The following PKHD1L1 variants were observed in gnomAD, a reference collection of about 807,000 sequenced individuals.
PKHD1L1 encodes fibrocystin-L.
In PKHD1L1, 434 loss-of-function variants were observed where a neutral mutation model predicts 462.9. That is an observed-to-expected ratio of 0.94 (90% CI 0.87 to 1.02). The LOEUF is 1.02. Ranked by LOEUF, PKHD1L1 falls within the 50% of genes least tolerant of loss-of-function variation. The pLI, the probability that PKHD1L1 is intolerant of heterozygous loss-of-function variation, is 0.00. For synonymous variants in PKHD1L1, 1,781 were observed against 1,750.0 expected, an observed-to-expected ratio of 1.02 and a Z score of -0.44; for missense variants, 5,202 against 5,096.1, an observed-to-expected ratio of 1.02 and a Z score of -0.63.
At chr8:109,420,787 G>A (rs1448163162) in intron 23 of PKHD1L1, 97 bp downstream of exon 23, 9 of 956,490 alleles carry the variant, frequency 9.4e-6, no homozygotes, top group Non-Finnish European at 1.3e-5. Context: ...AACAGGAAAA[G>A]ACAGCTAACT....
intron 70 of PKHD1L1, among the ~76,000 whole-genome samples, chr8:109,510,544 C>T (rs769417320): frequency 2.6e-5 from 4 of 152,082 alleles, no homozygotes; most frequent in Non-Finnish European, 5.9e-5. Flanking sequence ...TTGCCCTGGG[C>T]AGTGTAAAAG....
rs1326813275 is a variant in PKHD1L1, at chr8:109,449,238, T to C, written c.6026-100T>C. On this transcript the variant is annotated intron_variant, in intron 39 of 77. Transcript: ENST00000378402. ...GTTCTAAAAAACTCTTCATTTAATG[T>C]AACTTACTTTTAACATTTAAAATAA... The C allele has an allele frequency of 5.0e-6, 6 of 1,193,304 alleles. No individual in the cohort carries two copies. The African/African-American group carries it at 9.3e-5, about 18-fold the overall frequency. 73.9% of individuals were successfully genotyped at this position (1,193,304 alleles called of 1,614,324 possible).
At position 109,524,499 on chromosome 8, in the gene PKHD1L1, C is replaced by T. The variant is rs574835084; in HGVS notation, c.12484+1113C>T. On this transcript the variant is annotated intron_variant, in intron 76 of 77. Coordinates refer to ENST00000378402, the MANE Select transcript of PKHD1L1 (RefSeq NM_177531.6). ...AGAATCCTACCTGAAAAGAAGTTTGCTCACCTCCTCATGAGGGTGGACCCA... is the reference window on the plus strand; with the variant it reads ...AGAATCCTACCTGAAAAGAAGTTTGTTCACCTCCTCATGAGGGTGGACCCA... Among the ~76,000 whole-genome samples, 7 of 152,182 alleles carry T rather than the reference C, an allele frequency of 4.6e-5. No homozygotes were observed. In the South Asian group the frequency reaches 1.5e-3, roughly 32 times the overall value.
rs558609128 is a variant in PKHD1L1, at chr8:109,533,618, A to C, written c.*3528A>C. On this transcript the variant is annotated 3_prime_UTR_variant, in exon 78 of 78. Transcript: ENST00000378402. ...GGCATATTCTAGAAACTGACCTTAA[A>C]ACATAGCTATTATGCATCCCTTTGC... Among the ~76,000 whole-genome samples, 1 of 152,272 alleles carries C rather than the reference A, an allele frequency of 6.6e-6. No individual in the cohort carries two copies. Among genetic ancestry groups the C allele is most frequent in the South Asian group, 2.1e-4 (1 of 4,828 alleles).
intron 27 of PKHD1L1, among the ~76,000 whole-genome samples, chr8:109,431,675 A>G (rs1199656504): frequency 6.6e-6 from 1 of 152,192 alleles, no homozygotes; most frequent in Non-Finnish European, 1.5e-5. Context: ...CACCTAATCA[A>G]TCACCTTAAA....
intron 61 of PKHD1L1, 36 bp from the exon 62 acceptor site, chr8:109,491,837 T>G (rs1469533780): frequency 1.4e-5 from 22 of 1,521,908 alleles, no homozygotes; most frequent in Non-Finnish European, 1.9e-5. Flanking sequence ...TTATGTTTTT[T>G]GGGGATTTTC....
intron 65 of PKHD1L1, 129 bp downstream of exon 65, chr8:109,497,401 T>C (rs1479847666): frequency 9.1e-7 from 1 of 1,099,046 alleles, no homozygotes; most frequent in African/African-American, 1.6e-5. Flanking sequence ...CTGCCTTTGT[T>C]CCCACTGCCC....
Position 109,480,103 on chromosome 8 carries a change from AGAAGTTGTTTT to A in PKHD1L1, c.9295_9305del (p.Val3099CysfsTer10), listed in dbSNP as rs776768003. 5.7e-6 allele frequency: 9 copies of A among 1,577,338 alleles called. No individual in the cohort carries two copies. Among genetic ancestry groups the A allele is most frequent in the Non-Finnish European group, 7.8e-6 (9 of 1,161,146 alleles). On this transcript the variant is annotated frameshift_variant, in exon 55 of 78. Transcript: ENST00000378402. LOFTEE classifies it high-confidence loss of function. ...TAGGAGCTGCAGAATCTTCTTACAG[AGAAGTTGTTTT>A]GAATGCTACCTACATATCACTGCAG... is the stretch of plus-strand genomic sequence containing the variant.
intron 17 of PKHD1L1, among the ~76,000 whole-genome samples, chr8:109,406,719 A>G (rs1439972638): frequency 6.6e-6 from 1 of 152,170 alleles, no homozygotes; most frequent in Non-Finnish European, 1.5e-5. Flanking sequence ...CCTACTTTAT[A>G]AATTAGTAAA....
rs377336336 is a variant in PKHD1L1, at chr8:109,448,332, C to T, written c.5966C>T (p.Ala1989Val). 6.2e-7 allele frequency: 1 copy of T among 1,613,256 alleles called. No homozygotes were observed. The highest frequency in any genetic ancestry group is 8.5e-7 in the Non-Finnish European group (1 of 1,179,642). Reference sequence around the variant, plus strand: ...ATGCATCATAAGACAAAAGGCTCAGCCATGTCCACAGTTGTATTTGAGTAC... The same window carrying T: ...ATGCATCATAAGACAAAAGGCTCAGTCATGTCCACAGTTGTATTTGAGTAC... ...VMMHHKTKGS[A>V]MSTVVFEYPL... Residue 1989 changes from alanine (A) to valine (V), a missense_variant, in exon 39 of 78, where the codon GCC (alanine) becomes GTC (valine). Physicochemically the swap from Ala to Val is moderately conservative, Grantham distance 64. Around this residue, in one of 3 missense-constraint regions of PKHD1L1, gnomAD observed 4,497 missense variants for 4,336.8 expected, o/e 1.04. Transcript: ENST00000378402.
Position 109,436,448 on chromosome 8 carries a change from A to C in PKHD1L1, c.3616A>C (p.Arg1206=). The part of the protein sequence containing the change: ...IEGDLNRITC[R]TPKKTEGTVD... ...AGGGGATTTGAATAGGATAACCTGC[A>C]GGACACCAAAAGTAAGGCCTCTGAT... is the stretch of plus-strand genomic sequence containing the variant. The change falls in exon 30 of 78, where the codon AGG becomes CGG. Residue 1206 remains arginine, a synonymous_variant. Transcript: ENST00000378402. 6.2e-7 allele frequency: 1 copy of C among 1,612,472 alleles called. No homozygotes were observed. Among genetic ancestry groups the C allele is most frequent in the South Asian group, 1.1e-5 (1 of 90,658 alleles).
At chr8:109,421,418 T>C (rs944780892) in intron 23 of PKHD1L1, among the ~76,000 whole-genome samples, 1 of 152,168 alleles carries the variant, frequency 6.6e-6, no homozygotes, top group Non-Finnish European at 1.5e-5. Context: ...GCCCAATGTT[T>C]TAGTCTTAAT....
At chr8:109,509,547 G>A (rs1340578798) in intron 70 of PKHD1L1, among the ~76,000 whole-genome samples, 1 of 150,548 alleles carries the variant, frequency 6.6e-6, no homozygotes, top group African/African-American at 2.4e-5. Context: ...TGAAGCTTGG[G>A]ATGTGCTATA....
At position 109,515,162 on chromosome 8, in the gene PKHD1L1, T is replaced by C. The variant is rs1173665835; in HGVS notation, c.11554-8T>C. The C allele has an allele frequency of 1.3e-6, 2 of 1,549,142 alleles. No homozygotes were observed. Among genetic ancestry groups the C allele is most frequent in the Non-Finnish European group, 1.7e-6 (2 of 1,149,256 alleles). ...GTTGCTTTCTTAAAACTTTTTTTTC[T>C]TTAATAGGCTGTTCTAGTAGGAATT... On this transcript the variant is annotated splice_polypyrimidine_tract_variant and splice_region_variant and intron_variant, in intron 71 of 77. Coordinates refer to ENST00000378402, the MANE Select transcript of PKHD1L1 (RefSeq NM_177531.6).
chr8:109,450,405 T>G (rs1018233710), intron 40 of PKHD1L1, among the ~76,000 whole-genome samples: 7 of 152,184 alleles, frequency 4.6e-5, no homozygotes, highest in Admixed American at 3.3e-4. Context: ...ACAAAGAATA[T>G]TGAAAAATGC....
In PKHD1L1 at chr8:109,427,013, G is replaced by C. The variant is rs1213172033; in HGVS notation, c.2857G>C (p.Ala953Pro). ...YGHILKGLPA[A>P]VSAADLQFAL... Reference sequence around the variant, plus strand: ...CTCTGTGAGTGCAGGCCTCCCCGCTGCTGTGTCAGCTGCAGATCTGCAGTT... The same window carrying C: ...CTCTGTGAGTGCAGGCCTCCCCGCTCCTGTGTCAGCTGCAGATCTGCAGTT... The change falls in exon 25 of 78, where the codon GCT becomes CCT. Residue 953 changes from alanine (A) to proline (P), a missense_variant. Ala to Pro is a conservative substitution (Grantham distance 27). Around this residue, in one of 3 missense-constraint regions of PKHD1L1, gnomAD observed 4,497 missense variants for 4,336.8 expected, o/e 1.04. Transcript: ENST00000378402. 1 of 1,566,678 alleles carries C rather than the reference G, an allele frequency of 6.4e-7. No individual in the cohort carries two copies. Among genetic ancestry groups the C allele is most frequent in the East Asian group, 2.2e-5 (1 of 44,664 alleles).
intron 35 of PKHD1L1, 116 bp downstream of exon 35, chr8:109,442,311 A>T: frequency 9.8e-7 from 1 of 1,021,296 alleles, no homozygotes; most frequent in Non-Finnish European, 1.4e-6. Context: ...ACAAATGCGT[A>T]AGGTATTTGG....
intron 67 of PKHD1L1, 78 bp downstream of exon 67, chr8:109,498,849 T>C (rs1819261133): frequency 2.4e-6 from 3 of 1,251,292 alleles, no homozygotes; most frequent in South Asian, 2.9e-5. Flanking sequence ...TAATGTTTCA[T>C]TGTTAGTAAA....
In PKHD1L1 at chr8:109,430,004, A is replaced by G. The variant is rs140719910; in HGVS notation, c.3196A>G (p.Thr1066Ala). 6.2e-7 allele frequency: 1 copy of G among 1,611,202 alleles called. No homozygotes were observed. Among genetic ancestry groups the G allele is most frequent in the Non-Finnish European group, 8.5e-7 (1 of 1,178,926 alleles). ...TGGATTTACATGGGATTCCAACATT[A>G]CTCCCCTAGTCTTGGCGATAAGCCC... ...DCGFTWDSNI[T>A]PLVLAISPSQ... Residue 1066 changes from threonine (T) to alanine (A), a missense_variant, in exon 27 of 78, where the codon ACT becomes GCT. Transcript: ENST00000378402.
Sources: allele counts gnomAD v4.1 joint callset (sites outside exome capture counted in the v4.1 genomes callset), GRCh38; gene constraint gnomAD v4.1.1; regional missense constraint gnomAD v4.1.1; transcripts MANE v1.5; gene names NCBI Gene and HGNC (gene_info 2026-07-23, HGNC 2026-07-21).